CLVS1: variants seen among roughly 807,000 people sequenced by gnomAD.
CLVS1 encodes the protein clavesin-1.
Under a neutral mutation model 33.1 loss-of-function variants are expected in CLVS1, and 10 were observed. The ratio of observed to expected loss-of-function variants is 0.30; its 90% CI spans 0.19 to 0.51. CLVS1 has a LOEUF of 0.51. CLVS1 is among the 20% of genes least tolerant of loss of function. The pLI, the probability that CLVS1 is intolerant of heterozygous loss-of-function variation, is 0.97. For synonymous variants in CLVS1, 163 were observed against 166.1 expected (o/e 0.98, Z 0.14); for missense variants, 343 against 433.4 (o/e 0.79, Z 1.85).
chr8:61,448,011 C>A (rs1232113298), intron 3 of CLVS1, among the ~76,000 whole-genome samples: 1 of 152,070 alleles, frequency 6.6e-6, no homozygotes, highest in African/African-American at 2.4e-5. Flanking sequence ...TCTTGAAGAG[C>A]ATTTTTACTA....
At chr8:61,232,041 T>TTTTTTTTTTGTGTTTTGTTTTG (rs1808455753) in intron 2 of CLVS1, among the ~76,000 whole-genome samples, 1 of 116,004 alleles carries the variant, frequency 8.6e-6, no homozygotes, top group Non-Finnish European at 1.6e-5. Flanking sequence ...TTTTTTTTTT[T>TTTTTTTTTTGTGTTTTGTTTTG]TTTTTTTTTG....
chr8:61,442,054 T>A (rs1816571804), intron 3 of CLVS1, among the ~76,000 whole-genome samples: 1 of 152,212 alleles, frequency 6.6e-6, no homozygotes. Context: ...TGGCCCATGT[T>A]ACCCTTTTAT....
the CLVS1 span, among the ~76,000 whole-genome samples, chr8:61,001,985 CT>C: frequency 0.027 from 3,935 of 148,042 alleles, 78 homozygotes; most frequent in South Asian, 0.05. Context: ...AATCAACCCA[CT>C]TTTTTTTTTT....
the CLVS1 span, among the ~76,000 whole-genome samples, chr8:61,045,982 C>G: frequency 6.6e-6 from 1 of 152,116 alleles, no homozygotes; most frequent in African/African-American, 2.4e-5. Flanking sequence ...TGCAGAAGCT[C>G]TTTAGTTTAA....
At chr8:61,202,277 G>T in intron 2 of CLVS1, 1 of 593,602 alleles carries the variant, frequency 1.7e-6, no homozygotes, top group Non-Finnish European at 3.1e-6. Context: ...TCCATCCTGT[G>T]TGGCTGTTCT....
the CLVS1 span, among the ~76,000 whole-genome samples, chr8:61,016,114 T>C: frequency 1.3e-5 from 2 of 152,218 alleles, no homozygotes; most frequent in Admixed American, 6.5e-5. Flanking sequence ...ACAAAATTAG[T>C]ACAAATATTG....
intron 2 of CLVS1, among the ~76,000 whole-genome samples, chr8:61,362,250 G>A (rs1384179611): frequency 6.6e-6 from 1 of 152,202 alleles, no homozygotes; most frequent in East Asian, 1.9e-4. Context: ...CCTGAAAGAT[G>A]AGAAAGAGTC....
At chr8:61,087,381 G>C (rs751135555) in intron 1 of CLVS1, among the ~76,000 whole-genome samples, 1 of 152,160 alleles carries the variant, frequency 6.6e-6, no homozygotes, top group East Asian at 1.9e-4. Context: ...GAGGGAGTCA[G>C]GTCTAGAATT....
intron 1 of CLVS1, among the ~76,000 whole-genome samples, chr8:61,103,259 A>T (rs1805482432): frequency 6.6e-6 from 1 of 151,538 alleles, no homozygotes; most frequent in South Asian, 2.1e-4. Flanking sequence ...TAAATGAGGG[A>T]TAGCAGTGAA....
At position 61,068,249 on chromosome 8, in the gene CLVS1, G is replaced by GTA. The variant is rs1325216472; in HGVS notation, c.-243+11028_-243+11029dup. Among the ~76,000 whole-genome samples, 60 of 126,748 alleles carry GTA rather than the reference G, an allele frequency of 4.7e-4. No individual in the cohort carries two copies. The Middle Eastern group carries it at 0.012, about 25-fold the overall frequency. The allele number at this position is 126,748 out of a possible 152,430, so 83.2% of individuals were successfully genotyped here. The stretch of plus-strand genomic sequence containing the variant: ...TATGTGTATATATATATATATATAT[G>GTA]TATATATATACATACATACACATAC... On this transcript the variant is annotated intron_variant, in intron 1 of 2. Transcript: ENST00000522621.
chr8:61,203,089 A>G (rs1807771069), intron 2 of CLVS1: 1 of 1,292,698 alleles, frequency 7.7e-7, no homozygotes, highest in Non-Finnish European at 1.1e-6. Flanking sequence ...ACATTAAAGC[A>G]AAAATGCAAG....
At chr8:61,039,078 C>T in the CLVS1 span, among the ~76,000 whole-genome samples, 1 of 152,260 alleles carries the variant, frequency 6.6e-6, no homozygotes, top group East Asian at 1.9e-4. Flanking sequence ...TCAGTGCCGA[C>T]TTTGCCTCTT....
intron 1 of CLVS1, among the ~76,000 whole-genome samples, chr8:61,064,843 A>T (rs1452508909): frequency 1.3e-5 from 2 of 152,102 alleles, no homozygotes; most frequent in Non-Finnish European, 2.9e-5. Context: ...CTGGGACTAC[A>T]GGTGCCCGCC....
intron 2 of CLVS1, among the ~76,000 whole-genome samples, chr8:61,242,994 G>A (rs1198155141): frequency 6.6e-6 from 1 of 150,818 alleles, no homozygotes; most frequent in Admixed American, 6.6e-5. Context: ...TTAACAATAG[G>A]CTTCATTTTC....
At chr8:60,990,352 CGTTTAT>C in the CLVS1 span, among the ~76,000 whole-genome samples, 3 of 152,078 alleles carry the variant, frequency 2.0e-5, no homozygotes, top group Non-Finnish European at 2.9e-5. Context: ...TGATGGCACA[CGTTTAT>C]GTTATTAAAA....
Position 61,232,023 on chromosome 8 carries a change from G to GTTTGTTTGTTTGTTTTTTTTTTTTTTTTT in CLVS1, c.-151-67651_-151-67650insGTTTGTTTGTTTTTTTTTTTTTTTTTTTT. ...AGAAGGAGCCCTGAGGAAAGTTGTG[G>GTTTGTTTGTTTGTTTTTTTTTTTTTTTTT]TTTTTTTTTTTTTTTTTTTTTTTTT... On this transcript the variant is annotated intron_variant, in intron 2 of 2. Transcript: ENST00000522621. Among the ~76,000 whole-genome samples the GTTTGTTTGTTTGTTTTTTTTTTTTTTTTT allele has an allele frequency of 1.6e-4, 10 of 62,626 alleles. 1 individual carries two copies. The highest frequency in any genetic ancestry group is 4.9e-4 in the South Asian group (1 of 2,034). The allele number at this position is 62,626 out of a possible 152,430, so 41.1% of individuals were successfully genotyped here. A position where few individuals can be genotyped will look rare whatever the true frequency, so the allele number is the denominator to read the frequency against.
intron 2 of CLVS1, among the ~76,000 whole-genome samples, chr8:61,190,983 CA>C (rs1807460056): frequency 6.6e-6 from 1 of 152,136 alleles, no homozygotes; most frequent in African/African-American, 2.4e-5. Flanking sequence ...GAAACTATTC[CA>C]ATCAATAGAA....
At chr8:61,038,861 T>C in the CLVS1 span, among the ~76,000 whole-genome samples, 1 of 152,360 alleles carries the variant, frequency 6.6e-6, no homozygotes, top group Middle Eastern at 3.4e-3. Context: ...CTGTCTGTAC[T>C]AGATGTCTCT....
At chr8:61,297,493 G>A (rs1014446989) in intron 1 of CLVS1, among the ~76,000 whole-genome samples, 1 of 152,124 alleles carries the variant, frequency 6.6e-6, no homozygotes, top group Non-Finnish European at 1.5e-5. Context: ...TTCTAGCGTG[G>A]GAAACTGCAT....
Sources: gnomAD v4.1 joint callset for allele counts (sites outside exome capture counted in the v4.1 genomes callset) on GRCh38, gnomAD v4.1.1 for gene constraint, MANE v1.5 for transcripts, NCBI Gene and HGNC (gene_info 2026-07-23, HGNC 2026-07-21) for gene names.